Variants in AGBL4 observed in about 807,000 individuals in gnomAD.
AGBL4 encodes cytosolic carboxypeptidase 6.
In AGBL4, 58 loss-of-function variants were observed where a neutral mutation model predicts 66.4. That is an observed-to-expected ratio of 0.87 (90% CI 0.71 to 1.09). AGBL4 has a LOEUF of 1.09. Ranked by LOEUF, AGBL4 falls within the 50% of genes least tolerant of loss-of-function variation. The probability of loss-of-function intolerance (pLI) is 0.00; values close to 1 mark genes in which losing one functional copy is unlikely to be tolerated. For synonymous variants in AGBL4, 234 were observed against 222.9 expected (o/e 1.05, Z -0.44); for missense variants, 579 against 631.0 (o/e 0.92, Z 0.88).
chr1:49,669,070 A>G (rs1188832234), intron 3 of AGBL4, among the ~76,000 whole-genome samples: 2 of 152,204 alleles, frequency 1.3e-5, no homozygotes, highest in Non-Finnish European at 2.9e-5. Context: ...GAAGAGACAC[A>G]TATGCAATGA....
At chr1:48,699,786 T>G (rs1309975205) in intron 6 of AGBL4, among the ~76,000 whole-genome samples, 1 of 152,170 alleles carries the variant, frequency 6.6e-6, no homozygotes, top group East Asian at 1.9e-4. Context: ...CTATCTTATT[T>G]CCCATTTCCT....
chr1:48,610,301 C>T (rs1015139724), intron 9 of AGBL4, among the ~76,000 whole-genome samples: 4 of 152,062 alleles, frequency 2.6e-5, no homozygotes, highest in African/African-American at 4.8e-5. Context: ...AACACATGAC[C>T]GGGGCTTGCT....
intron 1 of AGBL4, among the ~76,000 whole-genome samples, chr1:49,972,516 G>GTATTTT (rs1658215983): frequency 6.6e-6 from 1 of 152,092 alleles, no homozygotes; most frequent in African/African-American, 2.4e-5. Context: ...TTATTTTATG[G>GTATTTT]CTGAGTAGTA....
intron 4 of AGBL4, among the ~76,000 whole-genome samples, chr1:49,167,829 T>C (rs2148154915): frequency 6.6e-6 from 1 of 152,362 alleles, no homozygotes; most frequent in East Asian, 1.9e-4. Flanking sequence ...GACCTTATTG[T>C]ACTTTATTTT....
At chr1:49,432,489 A>G (rs1409269176) in intron 3 of AGBL4, among the ~76,000 whole-genome samples, 3 of 152,178 alleles carry the variant, frequency 2.0e-5, no homozygotes, top group Non-Finnish European at 4.4e-5. Flanking sequence ...ATACTACTGC[A>G]TATAGAACTT....
chr1:49,495,577 T>C (rs1647478413), intron 3 of AGBL4, among the ~76,000 whole-genome samples: 1 of 151,584 alleles, frequency 6.6e-6, no homozygotes, highest in Non-Finnish European at 1.5e-5. Context: ...GAGAACCTGA[T>C]GTGACTATTT....
chr1:49,420,210 T>A (rs903900575), intron 3 of AGBL4, among the ~76,000 whole-genome samples: 4 of 152,148 alleles, frequency 2.6e-5, no homozygotes, highest in African/African-American at 9.7e-5. Context: ...AACAGGCTGA[T>A]AAAGATGAAA....
chr1:49,927,929 C>T (rs1293080273), intron 1 of AGBL4, among the ~76,000 whole-genome samples: 1 of 152,072 alleles, frequency 6.6e-6, no homozygotes, highest in African/African-American at 2.4e-5. Flanking sequence ...TAGACAAGGA[C>T]ATAAAAACTG....
At chr1:49,338,631 C>T (rs1645482363) in intron 3 of AGBL4, among the ~76,000 whole-genome samples, 1 of 152,182 alleles carries the variant, frequency 6.6e-6, no homozygotes, top group Non-Finnish European at 1.5e-5. Context: ...TATCTGTGAA[C>T]TTGGGTCTAA....
chr1:48,982,047 C>A (rs575547984), intron 5 of AGBL4, among the ~76,000 whole-genome samples: 2 of 152,164 alleles, frequency 1.3e-5, no homozygotes, highest in South Asian at 2.1e-4. Flanking sequence ...TGGTGAAGAA[C>A]CTTCTGACAG....
At chr1:49,367,981 C>T (rs1012135948) in intron 3 of AGBL4, among the ~76,000 whole-genome samples, 2 of 152,096 alleles carry the variant, frequency 1.3e-5, no homozygotes, top group Non-Finnish European at 2.9e-5. Flanking sequence ...TATGGATTTG[C>T]CTATTATGAA....
intron 1 of AGBL4, among the ~76,000 whole-genome samples, chr1:49,966,752 CAGTA>C (rs1037843661): frequency 6.6e-6 from 1 of 152,104 alleles, no homozygotes; most frequent in African/African-American, 2.4e-5. Flanking sequence ...AGTAACCACT[CAGTA>C]AGTATTAACT....
intron 4 of AGBL4, among the ~76,000 whole-genome samples, chr1:49,240,785 T>C (rs1440121738): frequency 1.3e-5 from 2 of 151,890 alleles, no homozygotes; most frequent in Non-Finnish European, 2.9e-5. Flanking sequence ...CTCTTACCAA[T>C]ATACCACACT....
At chr1:49,503,960 C>T (rs1648440296) in intron 3 of AGBL4, among the ~76,000 whole-genome samples, 1 of 152,060 alleles carries the variant, frequency 6.6e-6, no homozygotes, top group African/African-American at 2.4e-5. Context: ...AACATGAGGA[C>T]ATGAGATTTG....
intron 9 of AGBL4, 109 bp downstream of exon 9, chr1:48,634,384 A>G: frequency 1.2e-6 from 1 of 836,238 alleles, no homozygotes; most frequent in Non-Finnish European, 1.9e-6. Context: ...CCCTGGTTTT[A>G]GCTATGTATT....
intron 4 of AGBL4, among the ~76,000 whole-genome samples, chr1:49,059,367 G>A (rs773598472): frequency 7.2e-5 from 11 of 152,248 alleles, no homozygotes; most frequent in Non-Finnish European, 1.3e-4. Context: ...GTACACAGAA[G>A]TCAAGAATTG....
chr1:48,620,013 A>T (rs537150393), intron 9 of AGBL4, among the ~76,000 whole-genome samples: 1 of 152,100 alleles, frequency 6.6e-6, no homozygotes, highest in Non-Finnish European at 1.5e-5. Context: ...ACACATGCAC[A>T]CATACCCAAA....
chr1:49,372,615 C>CTTTCTTTCTTTCTTTT (rs1644375250), intron 3 of AGBL4, among the ~76,000 whole-genome samples: 3 of 22,376 alleles, frequency 1.3e-4, no homozygotes, highest in African/African-American at 5.9e-4. Flanking sequence ...CTTTTTCTTT[C>CTTTCTTTCTTTCTTTT]TTTCTTTCTT....
chr1:49,422,111 T>A (rs556251497), intron 3 of AGBL4, among the ~76,000 whole-genome samples: 1 of 152,208 alleles, frequency 6.6e-6, no homozygotes, highest in South Asian at 2.1e-4. Flanking sequence ...ATGCAAGAGT[T>A]CTAGGGCACT....
Sources: gnomAD v4.1 joint callset for allele counts (sites outside exome capture counted in the v4.1 genomes callset) on GRCh38, gnomAD v4.1.1 for gene constraint, MANE v1.5 for transcripts, NCBI Gene and HGNC (gene_info 2026-07-23, HGNC 2026-07-21) for gene names.